The following STAT6 variants were observed in gnomAD, a reference collection of about 807,000 sequenced individuals.
STAT6 encodes the protein signal transducer and activator of transcription 6.
In STAT6, 45 loss-of-function variants were observed where a neutral mutation model predicts 106.3. The observed-to-expected ratio is 0.42, with a 90% CI of 0.33 to 0.54. STAT6 has a LOEUF of 0.54. STAT6 is among the 20% of genes least tolerant of loss of function. STAT6 has a pLI of 0.06. For missense variants in STAT6, 797 were observed against 1,062.2 expected, an observed-to-expected ratio of 0.75 and a Z score of 3.47; for synonymous variants, 413 against 413.6, an observed-to-expected ratio of 1.00 and a Z score of 0.02.
chr12:57,107,201 GT>G (rs1252304813), intron 4 of STAT6, 29 bp downstream of exon 4: 2 of 1,599,018 alleles, frequency 1.3e-6, no homozygotes, highest in Admixed American at 1.7e-5. Context: ...AGGGGATTGA[GT>G]TGGGGTGGGA....
At chr12:57,102,228 G>A in intron 13 of STAT6, 62 bp downstream of exon 13, 1 of 1,543,578 alleles carries the variant, frequency 6.5e-7, no homozygotes. Flanking sequence ...GGCTGAGCAG[G>A]CCCTGAGTGC....
chr12:57,098,554 G>T lies in STAT6; in HGVS notation c.2110C>A (p.Gln704Lys), dbSNP rs775545726. The change falls in exon 19 of 22, where the codon CAA becomes AAA. Residue 704 changes from glutamine (Q) to lysine (K), a missense_variant. Gln to Lys is a moderately conservative substitution (Grantham distance 53, BLOSUM62 1). This residue lies in a region of STAT6 where 226 missense variants were observed against 236.7 expected (regional missense o/e 0.95). Coordinates refer to ENST00000300134, the MANE Select transcript of STAT6 (RefSeq NM_003153.5). Reference protein sequence around the residue: ...PPHSHSIPPYQGLSPEESVNV... With the variant: ...PPHSHSIPPYKGLSPEESVNV... Reference sequence around the variant, plus strand: ...ACTGATTCTTCTGGGGAGAGGCCTTGATACGGGGGGATGGAGTGAGAGTGT... The same window carrying T: ...ACTGATTCTTCTGGGGAGAGGCCTTTATACGGGGGGATGGAGTGAGAGTGT... 6.2e-7 allele frequency: 1 copy of T among 1,614,186 alleles called. No individual in the cohort carries two copies.
In STAT6 at chr12:57,099,589, C is replaced by T. The variant is rs777101090; in HGVS notation, c.1745-149G>A. 236 of 1,387,432 alleles carry T rather than the reference C, an allele frequency of 1.7e-4. 1 individual carries two copies. The highest frequency in any genetic ancestry group is 2.0e-4 in the Non-Finnish European group (204 of 1,016,506). 85.9% of individuals were successfully genotyped at this position (1,387,432 alleles called of 1,614,324 possible). On this transcript the variant is annotated intron_variant, in intron 15 of 21. Transcript: ENST00000300134. This position sits in a 1 kb window ranked among gnomAD's most constrained non-coding sequence, Gnocchi z 4.7. ...TGAGGGAGAGAGACCCACTAGTCTCCGTTCCCACAGAGCTCACAGTGAGAA... is the reference window on the plus strand; with the variant it reads ...TGAGGGAGAGAGACCCACTAGTCTCTGTTCCCACAGAGCTCACAGTGAGAA...
At position 57,098,883 on chromosome 12, in the gene STAT6, G is replaced by C. The variant is rs1347699409; in HGVS notation, c.1975C>G (p.Pro659Ala). The change falls in exon 18 of 22, where the codon CCA becomes GCA. Residue 659 changes from proline (P) to alanine (A), a missense_variant. Physicochemically the swap from Pro to Ala is conservative, Grantham distance 27. Coordinates refer to ENST00000300134, the MANE Select transcript of STAT6 (RefSeq NM_003153.5). Reference sequence around the variant, plus strand: ...ACCATGGTAGGCATCTGGAGCTCTGGGGTAGGAAGTGGTTGGTCCCTGGAG... The same window carrying C: ...ACCATGGTAGGCATCTGGAGCTCTGCGGTAGGAAGTGGTTGGTCCCTGGAG... ...TVERDQPLPT[P>A]ELQMPTMVPS... 9 of 1,613,698 alleles carry C rather than the reference G, an allele frequency of 5.6e-6. No individual in the cohort carries two copies. The highest frequency in any genetic ancestry group is 2.2e-5 in the East Asian group (1 of 44,888).
In STAT6 at chr12:57,098,434, A is replaced by T. The variant is rs145469282; in HGVS notation, c.2159+71T>A. On this transcript the variant is annotated intron_variant, in intron 19 of 21. Coordinates refer to ENST00000300134, the MANE Select transcript of STAT6 (RefSeq NM_003153.5). ...ATTTGCTGCTCCTTTCTCACAGAAG[A>T]GCCTCTTCTAACAATTCAAATGCCC... 254 of 1,441,750 alleles carry T rather than the reference A, an allele frequency of 1.8e-4. 1 individual carries two copies. In the East Asian group the frequency reaches 4.7e-3, roughly 26 times the overall value. The allele number at this position is 1,441,750 out of a possible 1,614,324, so 89.3% of individuals were successfully genotyped here.
At position 57,102,308 on chromosome 12, in the gene STAT6, G is replaced by A; in HGVS notation, c.1494C>T (p.Ser498=). The A allele has an allele frequency of 1.2e-6, 2 of 1,614,150 alleles. No homozygotes were observed. The highest frequency in any genetic ancestry group is 1.1e-5 in the South Asian group (1 of 91,072). ...GAATGACCTTGTTGAACTGCGACCAGGACACAGAACGGTGCTGGAAGGCCT... is the reference window on the plus strand; with the variant it reads ...GAATGACCTTGTTGAACTGCGACCAAGACACAGAACGGTGCTGGAAGGCCT... ...SMEAFQHRSV[S]WSQFNKEILL... is the part of the protein sequence containing the mutation. Residue 498 remains serine, a synonymous_variant, in exon 13 of 22, where the codon TCC becomes TCT. Coordinates refer to ENST00000300134, the MANE Select transcript of STAT6 (RefSeq NM_003153.5).
In STAT6 at chr12:57,099,573, G is replaced by C. The variant is rs546661236; in HGVS notation, c.1745-133C>G. 1 of 1,402,984 alleles carries C rather than the reference G, an allele frequency of 7.1e-7. No homozygotes were observed. Among genetic ancestry groups the C allele is most frequent in the Non-Finnish European group, 9.8e-7 (1 of 1,024,232 alleles). The allele number at this position is 1,402,984 out of a possible 1,614,324, so 86.9% of individuals were successfully genotyped here. ...CCTAGGGTGGGGCTCCTGAGGGAGAGAGACCCACTAGTCTCCGTTCCCACA... is the reference window on the plus strand; with the variant it reads ...CCTAGGGTGGGGCTCCTGAGGGAGACAGACCCACTAGTCTCCGTTCCCACA... On this transcript the variant is annotated intron_variant, in intron 15 of 21. Transcript: ENST00000300134. This position sits in a 1 kb window ranked among gnomAD's most constrained non-coding sequence, Gnocchi z 4.7.
At position 57,111,136 on chromosome 12, in the gene STAT6, AC is replaced by A. The variant is rs2034559240; in HGVS notation, c.-30del. The A allele has an allele frequency of 6.7e-6, 1 of 149,794 alleles. No homozygotes were observed. Among genetic ancestry groups the A allele is most frequent in the African/African-American group, 2.5e-5 (1 of 40,392 alleles). 9.3% of individuals were successfully genotyped at this position (149,794 alleles called of 1,614,324 possible). A position where few individuals can be genotyped will look rare whatever the true frequency, so the allele number is the denominator to read the frequency against. On this transcript the variant is annotated 5_prime_UTR_variant, in exon 1 of 22. Transcript: ENST00000300134. Reference sequence around the variant, plus strand: ...TCGGAGGCAACCCCTCACCTCGGCAACCCCTCTGCTGTCTTCTCCCTTTCTC... The same window carrying A: ...TCGGAGGCAACCCCTCACCTCGGCAACCCTCTGCTGTCTTCTCCCTTTCTC...
At position 57,104,507 on chromosome 12, in the gene STAT6, G is replaced by C; in HGVS notation, c.1169C>G (p.Ala390Gly). The change falls in exon 11 of 22, where the codon GCC (alanine) becomes GGC (glycine). Residue 390 changes from alanine to glycine, a missense_variant. Around this residue, in one of 4 missense-constraint regions of STAT6, gnomAD observed 222 missense variants for 354.6 expected, o/e 0.63. Coordinates refer to ENST00000300134, the MANE Select transcript of STAT6 (RefSeq NM_003153.5). ...TTTGCCGGGGCCAAGTGTGAAGCTG[G>C]CAGAGAAGAGCACAGCGCACTTCTC... ...TEEKCAVLFS[A>G]SFTLGPGKLP... 1 of 1,612,936 alleles carries C rather than the reference G, an allele frequency of 6.2e-7. No individual in the cohort carries two copies. Among genetic ancestry groups the C allele is most frequent in the South Asian group, 1.1e-5 (1 of 90,758 alleles).
intron 19 of STAT6, 42 bp downstream of exon 19, chr12:57,098,463 C>G: frequency 4.4e-6 from 7 of 1,587,630 alleles, no homozygotes; most frequent in Non-Finnish European, 5.2e-6. Flanking sequence ...AATGCCCACC[C>G]CCTTAGAGTG....
rs761431628 is a variant in STAT6 at position 57,096,982 on chromosome 12, C to T, written c.2226-4G>A. On this transcript the variant is annotated splice_region_variant and splice_polypyrimidine_tract_variant and intron_variant, in intron 20 of 21. Transcript: ENST00000300134. The stretch of plus-strand genomic sequence containing the variant: ...AGGCTGGCACGGCAGCAGGCCCCTG[C>T]CAGGAACCAGCAATGGAAATAAGGA... 2.5e-6 allele frequency: 4 copies of T among 1,612,552 alleles called. No homozygotes were observed. The highest frequency in any genetic ancestry group is 2.5e-6 in the Non-Finnish European group (3 of 1,179,238).
rs747594817 is a variant in STAT6 at position 57,106,343 on chromosome 12, T to C, written c.532-4A>G. On this transcript the variant is annotated splice_region_variant and splice_polypyrimidine_tract_variant and intron_variant, in intron 6 of 21. Coordinates refer to ENST00000300134, the MANE Select transcript of STAT6 (RefSeq NM_003153.5). ...CCTGCAGTAGCATGGCCAGGGCCTA[T>C]GGGCAGAGAGGGGCCTGAGCCAGGG... 5 of 1,614,106 alleles carry C rather than the reference T, an allele frequency of 3.1e-6. No homozygotes were observed. Among genetic ancestry groups the C allele is most frequent in the Admixed American group, 3.3e-5 (2 of 60,002 alleles).
At chr12:57,102,797 C>T (rs1300373368) in intron 12 of STAT6, 32 bp downstream of exon 12, 2 of 1,576,800 alleles carry the variant, frequency 1.3e-6, no homozygotes, top group South Asian at 1.1e-5. Context: ...CCACCCTGCC[C>T]CTGTTCCCTC....
chr12:57,095,860 C>T lies in STAT6; in HGVS notation c.*712G>A, dbSNP rs1006747222. The T allele has an allele frequency of 6.6e-6, 1 of 152,242 alleles. No individual in the cohort carries two copies. The highest frequency in any genetic ancestry group is 2.4e-5 in the African/African-American group (1 of 41,444). 9.4% of individuals were successfully genotyped at this position (152,242 alleles called of 1,614,324 possible). A position where few individuals can be genotyped will look rare whatever the true frequency, so the allele number is the denominator to read the frequency against. ...TGTGGTCATGCAACTAAGGTGCCAG[C>T]TATACATTTAACATATCCTAGGTAC... is the stretch of plus-strand genomic sequence containing the variant. On this transcript the variant is annotated 3_prime_UTR_variant, in exon 22 of 22. Coordinates refer to ENST00000300134, the MANE Select transcript of STAT6 (RefSeq NM_003153.5).
At position 57,096,678 on chromosome 12, in the gene STAT6, G is replaced by A. The variant is rs769130248; in HGVS notation, c.2438C>T (p.Ser813Leu). Residue 813 changes from serine (S) to leucine (L), a missense_variant, in exon 22 of 22, where the codon TCG (serine) becomes TTG (leucine). Ser to Leu is a moderately radical substitution (Grantham distance 145, BLOSUM62 -2). This residue lies in a region of STAT6 where 226 missense variants were observed against 236.7 expected (regional missense o/e 0.95). Coordinates refer to ENST00000300134, the MANE Select transcript of STAT6 (RefSeq NM_003153.5). ...CTGTGCCCCCAAGGACCCTCCCCCC[G>A]ACTCCCCTTGCCCCTCCAGGAGAAG... is the stretch of plus-strand genomic sequence containing the variant. ...TKLLLEGQGE[S>L]GGGSLGAQPL... 14 of 1,602,470 alleles carry A rather than the reference G, an allele frequency of 8.7e-6. No homozygotes were observed. Among genetic ancestry groups the A allele is most frequent in the South Asian group, 4.4e-5 (4 of 90,144 alleles).
At chr12:57,100,830 T>C (rs1295311329) in intron 13 of STAT6, 1 of 455,118 alleles carries the variant, frequency 2.2e-6, no homozygotes, top group East Asian at 7.0e-5. Flanking sequence ...GGTTCTCTCC[T>C]AGCCATGGCA....
At chr12:57,109,159 G>A (rs918453240) in intron 1 of STAT6, among the ~76,000 whole-genome samples, 7 of 152,030 alleles carry the variant, frequency 4.6e-5, no homozygotes, top group African/African-American at 1.7e-4. Context: ...CAGAGATCGA[G>A]CCACTGCACT....
intron 1 of STAT6, among the ~76,000 whole-genome samples, chr12:57,109,031 T>C (rs375681166): frequency 6.6e-5 from 10 of 152,162 alleles, no homozygotes; most frequent in African/African-American, 2.4e-4. Flanking sequence ...ACCCCATCTC[T>C]ACTAAAAATA....
chr12:57,097,073 G>A lies in STAT6; in HGVS notation c.2220C>T (p.His740=). ...GGAGGGGCTTTGTCACTCACTGGGG[G>A]TGAGGCTGGTCAAAGGGCAGGCTCA... ...GQMSLPFDQP[H]PQGLLPCQPQ... The change falls in exon 20 of 22, where the codon CAC becomes CAT. Residue 740 remains histidine, a synonymous_variant. Coordinates refer to ENST00000300134, the MANE Select transcript of STAT6 (RefSeq NM_003153.5). 3 of 1,547,654 alleles carry A rather than the reference G, an allele frequency of 1.9e-6. No individual in the cohort carries two copies. Among genetic ancestry groups the A allele is most frequent in the Non-Finnish European group, 2.6e-6 (3 of 1,146,288 alleles).
Sources: gnomAD v4.1 joint callset for allele counts (sites outside exome capture counted in the v4.1 genomes callset) on GRCh38, gnomAD v4.1.1 for gene constraint, gnomAD v4.1.1 regional missense constraint, Gnocchi (gnomAD v3.1) non-coding constraint, MANE v1.5 for transcripts, NCBI Gene and HGNC (gene_info 2026-07-23, HGNC 2026-07-21) for gene names.